Variants in ACAD11 observed in about 807,000 individuals in gnomAD.
ACAD11 encodes acyl-CoA dehydrogenase family member 11.
ACAD11 carries 83 observed loss-of-function variants against 102.2 expected under a neutral mutation model. The ratio of observed to expected loss-of-function variants is 0.81; its 90% CI spans 0.68 to 0.97. The LOEUF (loss-of-function observed/expected upper bound fraction) is 0.97, where lower values mean the gene tolerates loss of function less well. Ranked by LOEUF, ACAD11 falls within the 50% of genes least tolerant of loss-of-function variation. The probability of loss-of-function intolerance (pLI) is 0.00; values close to 1 mark genes in which losing one functional copy is unlikely to be tolerated. For synonymous variants in ACAD11, 324 were observed against 319.8 expected, an observed-to-expected ratio of 1.01 and a Z score of -0.14; for missense variants, 901 against 951.7, an observed-to-expected ratio of 0.95 and a Z score of 0.70.
Position 132,642,686 on chromosome 3 carries a change from T to C in ACAD11, c.366A>G (p.Glu122=), listed in dbSNP as rs779139871. Residue 122 remains glutamate (E), a synonymous_variant, in exon 3 of 20, where the codon GAA becomes GAG. Transcript: ENST00000264990. ...SVIGTEFYVM[E]HVQGRIFRDL... Reference sequence around the variant, plus strand: ...TTAAGTGTTAATTTACCTGCACATGTTCCATTACGTAAAATTCTGTTCCAA... The same window carrying C: ...TTAAGTGTTAATTTACCTGCACATGCTCCATTACGTAAAATTCTGTTCCAA... 1.9e-6 allele frequency: 3 copies of C among 1,606,884 alleles called. No homozygotes were observed. Among genetic ancestry groups the C allele is most frequent in the South Asian group, 1.1e-5 (1 of 88,896 alleles).
At chr3:132,623,073 A>G (rs1311962933) in intron 9 of ACAD11, among the ~76,000 whole-genome samples, 1 of 152,150 alleles carries the variant, frequency 6.6e-6, no homozygotes, top group Non-Finnish European at 1.5e-5. Flanking sequence ...ATATTTTCCA[A>G]TTGGAAGAAT....
chr3:132,565,037 C>G (rs771091869), intron 17 of ACAD11, among the ~76,000 whole-genome samples: 1 of 152,164 alleles, frequency 6.6e-6, no homozygotes, highest in Admixed American at 6.5e-5. Flanking sequence ...TATAATCTCT[C>G]TAACCAAAGG....
intron 17 of ACAD11, among the ~76,000 whole-genome samples, chr3:132,566,304 C>CAAAAAAAAA (rs1210045595): frequency 7.4e-6 from 1 of 135,836 alleles, no homozygotes; most frequent in Non-Finnish European, 1.5e-5. Context: ...CTCAAAAAAA[C>CAAAAAAAAA]AAAAAAAAAA....
intron 17 of ACAD11, 109 bp from the exon 18 acceptor site, chr3:132,561,326 T>G (rs755260401): frequency 7.4e-6 from 6 of 808,658 alleles, no homozygotes; most frequent in Non-Finnish European, 1.3e-5. Context: ...AGCCAGAGAT[T>G]GTTCACAAGC....
chr3:132,618,716 G>A lies in ACAD11; in HGVS notation c.1332C>T (p.Leu444=), dbSNP rs773619471. The stretch of plus-strand genomic sequence containing the variant: ...CAATCAAGGCATAGTCCACGTGGCT[G>A]AGTCCGCTGACAGCTGGCAAAAACA... ...WNLFLPAVSG[L]SHVDYALIAE... is the part of the protein sequence containing the mutation. Residue 444 remains leucine, a synonymous_variant, in exon 11 of 20, where the codon CTC becomes CTT. Coordinates refer to ENST00000264990, the MANE Select transcript of ACAD11 (RefSeq NM_032169.5). 1.9e-6 allele frequency: 3 copies of A among 1,603,726 alleles called. No homozygotes were observed. The highest frequency in any genetic ancestry group is 2.6e-6 in the Non-Finnish European group (3 of 1,175,860).
intron 2 of ACAD11, 131 bp from the exon 3 acceptor site, chr3:132,642,933 A>T (rs1348484610): frequency 7.3e-6 from 6 of 822,804 alleles, no homozygotes; most frequent in Non-Finnish European, 7.7e-6. Context: ...ACTCCAGAGG[A>T]TAATAGTAAT....
At chr3:132,562,085 C>T (rs910065543) in intron 17 of ACAD11, among the ~76,000 whole-genome samples, 1 of 152,042 alleles carries the variant, frequency 6.6e-6, no homozygotes, top group African/African-American at 2.4e-5. Flanking sequence ...AAGGACATTT[C>T]GGTTGTTGCC....
intron 11 of ACAD11, among the ~76,000 whole-genome samples, chr3:132,606,174 T>C (rs755073985): frequency 2.0e-5 from 3 of 152,204 alleles, no homozygotes; most frequent in Non-Finnish European, 4.4e-5. Flanking sequence ...ACAATGACTT[T>C]AAGGTTAGTT....
At chr3:132,579,928 CT>C (rs1349433238) in intron 13 of ACAD11, among the ~76,000 whole-genome samples, 1 of 152,108 alleles carries the variant, frequency 6.6e-6, no homozygotes, top group Non-Finnish European at 1.5e-5. Flanking sequence ...TGTGATCCCA[CT>C]TTCAATAAGC....
chr3:132,558,650 GCCA>G lies in ACAD11; in HGVS notation c.*318_*320del. 4.2e-6 allele frequency: 1 copy of G among 237,990 alleles called. No homozygotes were observed. Among genetic ancestry groups the G allele is most frequent in the Non-Finnish European group, 8.0e-6 (1 of 124,322 alleles). The allele number at this position is 237,990 out of a possible 1,614,324, so 14.7% of individuals were successfully genotyped here. On this transcript the variant is annotated 3_prime_UTR_variant, in exon 20 of 20. Transcript: ENST00000264990. ...CAAGTAGCTAGGACTACAAGCATGTGCCACCACACTTGTTTCATTTTTAAATTT... is the reference window on the plus strand; with the variant it reads ...CAAGTAGCTAGGACTACAAGCATGTGCCACACTTGTTTCATTTTTAAATTT...
At chr3:132,581,429 A>G (rs1346236200) in intron 13 of ACAD11, among the ~76,000 whole-genome samples, 5 of 152,004 alleles carry the variant, frequency 3.3e-5, no homozygotes, top group Non-Finnish European at 7.4e-5. Context: ...GGATCCCAGG[A>G]AAGTATTATC....
chr3:132,639,385 G>T, intron 5 of ACAD11, 107 bp downstream of exon 5: 2 of 1,084,900 alleles, frequency 1.8e-6, no homozygotes, highest in Non-Finnish European at 2.6e-6. Context: ...AGCTGTAGGG[G>T]AACAGGGAGT....
chr3:132,568,652 G>T (rs182353019), intron 17 of ACAD11, among the ~76,000 whole-genome samples: 1 of 152,122 alleles, frequency 6.6e-6, no homozygotes, highest in East Asian at 1.9e-4. Flanking sequence ...AGAGACTGAC[G>T]CATAGATAAT....
chr3:132,606,862 T>C (rs917004580), intron 11 of ACAD11, among the ~76,000 whole-genome samples: 1 of 152,194 alleles, frequency 6.6e-6, no homozygotes, highest in African/African-American at 2.4e-5. Context: ...GGGGTCAACA[T>C]ACACCTCAAA....
intron 7 of ACAD11, 151 bp from the exon 8 acceptor site, chr3:132,628,597 G>A: frequency 1.9e-6 from 1 of 538,334 alleles, no homozygotes; most frequent in South Asian, 2.5e-5. Context: ...GTACATGCAG[G>A]GGTAATTACA....
chr3:132,596,418 C>G (rs1194831396), intron 13 of ACAD11, among the ~76,000 whole-genome samples: 1 of 152,016 alleles, frequency 6.6e-6, no homozygotes, highest in Non-Finnish European at 1.5e-5. Context: ...TACCCCTGAA[C>G]TTAAAAGTTT....
chr3:132,618,768 AT>A lies in ACAD11; in HGVS notation c.1279del (p.Met427TrpfsTer25). ...KPLVIDKLKE[M>X]AKVEGLWNLF... is the part of the protein sequence containing the mutation. ...GTTCCAGAGACCCTCGACTTTGGCC[AT>A]TTCCTGTCAAGGTGATGAACATGCC... is the stretch of plus-strand genomic sequence containing the variant. On this transcript the variant is annotated frameshift_variant, in exon 11 of 20. Coordinates refer to ENST00000264990, the MANE Select transcript of ACAD11 (RefSeq NM_032169.5). LOFTEE classifies it high-confidence loss of function. 6.3e-7 allele frequency: 1 copy of A among 1,588,098 alleles called. No individual in the cohort carries two copies. Among genetic ancestry groups the A allele is most frequent in the South Asian group, 1.2e-5 (1 of 86,206 alleles).
intron 13 of ACAD11, chr3:132,597,230 G>A (rs756365289): frequency 6.6e-6 from 1 of 152,114 alleles, no homozygotes; most frequent in African/African-American, 2.4e-5. Flanking sequence ...CAAGATAAAG[G>A]CGGGGTGTAA....
chr3:132,588,474 C>T lies in ACAD11; in HGVS notation c.1622-8916G>A, dbSNP rs371679639. ...GCTGAAGTTTGAGAAATGCAATGCT[C>T]ACTTCAAAATGATCACATAAGCAGA... On this transcript the variant is annotated intron_variant, in intron 13 of 19. Coordinates refer to ENST00000264990, the MANE Select transcript of ACAD11 (RefSeq NM_032169.5). Among the ~76,000 whole-genome samples the T allele has an allele frequency of 1.1e-4, 16 of 152,198 alleles. No homozygotes were observed. The South Asian group carries it at 3.1e-3, about 30-fold the overall frequency.
Sources: allele counts gnomAD v4.1 joint callset (sites outside exome capture counted in the v4.1 genomes callset), GRCh38; gene constraint gnomAD v4.1.1; transcripts MANE v1.5; gene names NCBI Gene and HGNC (gene_info 2026-07-23, HGNC 2026-07-21).